TESC: variants seen among roughly 807,000 people sequenced by gnomAD.
TESC encodes the protein calcineurin B homologous protein 3.
TESC carries 19 observed loss-of-function variants against 31.0 expected under a neutral mutation model. The ratio of observed to expected loss-of-function variants is 0.61; its 90% CI spans 0.43 to 0.90. The LOEUF (loss-of-function observed/expected upper bound fraction) is 0.90, where lower values mean the gene tolerates loss of function less well. Among genes scored for constraint, TESC ranks in the 40% least tolerant of loss-of-function variants. The probability of loss-of-function intolerance (pLI) is 0.00; values close to 1 mark genes in which losing one functional copy is unlikely to be tolerated. For missense variants in TESC, 248 were observed against 303.8 expected (o/e 0.82, Z 1.36); for synonymous variants, 109 against 114.8 (o/e 0.95, Z 0.32).
intron 1 of TESC, among the ~76,000 whole-genome samples, chr12:117,075,913 A>ATATATATATATG (rs1265957613): frequency 1.2e-4 from 6 of 51,946 alleles, no homozygotes; most frequent in East Asian, 9.4e-4. Flanking sequence ...ATATATATAT[A>ATATATATATATG]TGTGTGTGTG....
rs531549593 is a variant in TESC, at chr12:117,077,185, A to T, written c.59-1845T>A. Among the ~76,000 whole-genome samples, 5 of 152,168 alleles carry T rather than the reference A, an allele frequency of 3.3e-5. No homozygotes were observed. In the South Asian group the frequency reaches 1.0e-3, roughly 32 times the overall value. On this transcript the variant is annotated intron_variant, in intron 1 of 7. Transcript: ENST00000335209. ...CAGCTCGTTAAGGCTGTCAACCCAG[A>T]CTGAGGGCTCTCTACTTCCTGTGGG...
At chr12:117,044,728 C>T (rs1010411018) in intron 6 of TESC, among the ~76,000 whole-genome samples, 4 of 152,214 alleles carry the variant, frequency 2.6e-5, no homozygotes, top group Admixed American at 6.5e-5. Flanking sequence ...GAAACCCCGT[C>T]TCTGCTAAAA....
intron 2 of TESC, 129 bp downstream of exon 2, chr12:117,075,142 T>C (rs1955030386): frequency 3.1e-6 from 3 of 959,318 alleles, no homozygotes; most frequent in East Asian, 5.3e-5. Flanking sequence ...CGAGACTCCA[T>C]CTCCAAAATA....
At chr12:117,052,146 T>A (rs1251081822) in intron 3 of TESC, among the ~76,000 whole-genome samples, 3 of 152,100 alleles carry the variant, frequency 2.0e-5, no homozygotes, top group Non-Finnish European at 4.4e-5. Context: ...TACATCTAAA[T>A]CTGCAACCCA....
At chr12:117,047,724 G>A (rs564347738) in intron 4 of TESC, among the ~76,000 whole-genome samples, 5 of 151,904 alleles carry the variant, frequency 3.3e-5, no homozygotes, top group East Asian at 3.9e-4. Context: ...GTGCTCAGCC[G>A]GCATTTATTT....
In TESC at chr12:117,038,997, C is replaced by T; in HGVS notation, c.*136G>A. 4.7e-6 allele frequency: 4 copies of T among 848,732 alleles called. No homozygotes were observed. The highest frequency in any genetic ancestry group is 7.6e-6 in the Non-Finnish European group (4 of 529,382). 52.6% of individuals were successfully genotyped at this position (848,732 alleles called of 1,614,324 possible). A position where few individuals can be genotyped will look rare whatever the true frequency, so the allele number is the denominator to read the frequency against. ...GTCCCACATACCATACCCTACAAGA[C>T]ACAAGGTGCGCAGACGAGCCTTGGC... On this transcript the variant is annotated 3_prime_UTR_variant, in exon 8 of 8. Coordinates refer to ENST00000335209, the MANE Select transcript of TESC (RefSeq NM_017899.4).
At chr12:117,065,593 C>T (rs1263264264) in intron 2 of TESC, among the ~76,000 whole-genome samples, 1 of 152,110 alleles carries the variant, frequency 6.6e-6, no homozygotes, top group Non-Finnish European at 1.5e-5. Context: ...GGAGGACATA[C>T]AGATGTAGGA....
chr12:117,073,106 A>T (rs1464620845), intron 2 of TESC, among the ~76,000 whole-genome samples: 7 of 152,170 alleles, frequency 4.6e-5, no homozygotes, highest in Non-Finnish European at 1.0e-4. Flanking sequence ...GACTTGTGTC[A>T]TGCTACACAC....
At chr12:117,044,292 TA>T (rs998391335) in intron 6 of TESC, among the ~76,000 whole-genome samples, 18 of 148,142 alleles carry the variant, frequency 1.2e-4, no homozygotes, top group African/African-American at 3.7e-4. Context: ...AATAATAAAT[TA>T]AAAAAAAAAT....
rs542605921 is a variant in TESC at position 117,094,510 on chromosome 12, C to T, written c.58+4715G>A. Among the ~76,000 whole-genome samples the T allele has an allele frequency of 1.5e-3, 222 of 152,298 alleles. 1 individual carries two copies. The highest frequency in any genetic ancestry group is 5.2e-3 in the African/African-American group (217 of 41,554). On this transcript the variant is annotated intron_variant, in intron 1 of 7. Coordinates refer to ENST00000335209, the MANE Select transcript of TESC (RefSeq NM_017899.4). ...AGTGCATACAAAGGTGAACAAGACA[C>T]GTTCTTTCTGCTCTAGGGAGCTCCA... is the stretch of plus-strand genomic sequence containing the variant.
intron 2 of TESC, among the ~76,000 whole-genome samples, chr12:117,066,877 T>A (rs1297229944): frequency 6.6e-6 from 1 of 152,144 alleles, no homozygotes; most frequent in Non-Finnish European, 1.5e-5. Flanking sequence ...CATGTCAGTA[T>A]CAACCATCCT....
chr12:117,082,270 G>A (rs533210193), intron 1 of TESC, among the ~76,000 whole-genome samples: 65 of 152,172 alleles, frequency 4.3e-4, no homozygotes, highest in African/African-American at 1.5e-3. Flanking sequence ...TTGGGAAGCC[G>A]AGGCGGGTGG....
At chr12:117,082,507 A>C (rs1955162886) in intron 1 of TESC, among the ~76,000 whole-genome samples, 1 of 152,140 alleles carries the variant, frequency 6.6e-6, no homozygotes, top group Non-Finnish European at 1.5e-5. Flanking sequence ...TGTCTAAAAA[A>C]AAAAAAAAAG....
chr12:117,051,008 C>A (rs1363795102), intron 3 of TESC, among the ~76,000 whole-genome samples: 2 of 152,324 alleles, frequency 1.3e-5, no homozygotes, highest in Non-Finnish European at 1.5e-5. Context: ...CTCTACTGGA[C>A]TGTGACCATG....
intron 7 of TESC, among the ~76,000 whole-genome samples, chr12:117,040,395 G>C (rs1954464843): frequency 6.6e-6 from 1 of 152,234 alleles, no homozygotes; most frequent in South Asian, 2.1e-4. Flanking sequence ...GGTCCCAAAA[G>C]ATCCCTCAGG....
intron 1 of TESC, among the ~76,000 whole-genome samples, chr12:117,093,954 G>T (rs1036155593): frequency 2.0e-5 from 3 of 152,048 alleles, no homozygotes; most frequent in African/African-American, 7.2e-5. Flanking sequence ...GGGGGGACAG[G>T]AAGTGGGGCC....
rs1339057864 is a variant in TESC, at chr12:117,075,907, A to ATGTG, written c.59-568_59-567insCACA. ...TATATATATATATATATATATATAT[A>ATGTG]TATATATGTGTGTGTGTATATATAT... On this transcript the variant is annotated intron_variant, in intron 1 of 7. Transcript: ENST00000335209. Among the ~76,000 whole-genome samples the ATGTG allele has an allele frequency of 2.4e-3, 157 of 65,150 alleles. 3 individuals carry two copies. Among genetic ancestry groups the ATGTG allele is most frequent in the East Asian group, 0.014 (35 of 2,444 alleles). 42.7% of individuals were successfully genotyped at this position (65,150 alleles called of 152,430 possible). A position where few individuals can be genotyped will look rare whatever the true frequency, so the allele number is the denominator to read the frequency against.
chr12:117,072,544 C>CT (rs1954988735), intron 2 of TESC, among the ~76,000 whole-genome samples: 1 of 152,210 alleles, frequency 6.6e-6, no homozygotes, highest in South Asian at 2.1e-4. Flanking sequence ...GTTTTTGCCT[C>CT]TGCATCTCTA....
At chr12:117,074,555 AGAAG>A (rs1224188949) in intron 2 of TESC, among the ~76,000 whole-genome samples, 6 of 152,144 alleles carry the variant, frequency 3.9e-5, no homozygotes, top group Non-Finnish European at 1.5e-5. Flanking sequence ...CTAACCCTAA[AGAAG>A]GAGAGTCAAA....
Sources: allele counts gnomAD v4.1 joint callset (sites outside exome capture counted in the v4.1 genomes callset), GRCh38; gene constraint gnomAD v4.1.1; transcripts MANE v1.5; gene names NCBI Gene and HGNC (gene_info 2026-07-23, HGNC 2026-07-21).